Variants in CDK8 observed in about 807,000 individuals in gnomAD.
CDK8 encodes the protein cyclin dependent kinase 8, also known as cyclin-dependent kinase 8.
A neutral mutation model predicts 71.5 loss-of-function variants in CDK8; 29 were observed. The observed-to-expected ratio is 0.41, with a 90% CI of 0.30 to 0.55. The LOEUF (loss-of-function observed/expected upper bound fraction) is 0.55, where lower values mean the gene tolerates loss of function less well. CDK8 is among the 20% of genes least tolerant of loss of function. The probability of loss-of-function intolerance (pLI) is 0.37; values close to 1 mark genes in which losing one functional copy is unlikely to be tolerated. For synonymous variants in CDK8, 161 were observed against 192.1 expected, an observed-to-expected ratio of 0.84 and a Z score of 1.34; for missense variants, 288 against 572.6, an observed-to-expected ratio of 0.50 and a Z score of 5.07.
intron 1 of CDK8, among the ~76,000 whole-genome samples, chr13:26,299,111 G>T (rs557598777): frequency 6.6e-6 from 1 of 152,270 alleles, no homozygotes; most frequent in East Asian, 1.9e-4. Context: ...ATCAGTCAGG[G>T]CATATTCTTA....
At chr13:26,277,768 A>G (rs1171730483) in intron 1 of CDK8, among the ~76,000 whole-genome samples, 1 of 152,204 alleles carries the variant, frequency 6.6e-6, no homozygotes, top group Non-Finnish European at 1.5e-5. Context: ...TGAAAATGTA[A>G]TTAATTCTCT....
At chr13:26,279,967 T>TG (rs1555326854) in intron 1 of CDK8, among the ~76,000 whole-genome samples, 1 of 149,454 alleles carries the variant, frequency 6.7e-6, no homozygotes, top group Non-Finnish European at 1.5e-5. Flanking sequence ...CAGAAGAAAA[T>TG]TGTGTGTGTG....
chr13:26,256,283 G>T (rs764126272), intron 1 of CDK8, among the ~76,000 whole-genome samples: 1 of 152,132 alleles, frequency 6.6e-6, no homozygotes, highest in Non-Finnish European at 1.5e-5. Flanking sequence ...GTTTTACTCT[G>T]TAATGACATA....
chr13:26,361,458 G>A (rs1056436690), intron 4 of CDK8, among the ~76,000 whole-genome samples: 53 of 152,262 alleles, frequency 3.5e-4, no homozygotes, highest in African/African-American at 1.2e-3. Context: ...TGAGTTCAGT[G>A]TGTTTTAAAC....
At chr13:26,266,279 A>G (rs993068476) in intron 1 of CDK8, among the ~76,000 whole-genome samples, 10 of 152,360 alleles carry the variant, frequency 6.6e-5, no homozygotes, top group South Asian at 4.1e-4. Context: ...GAGTTAGACT[A>G]TGTACTTAAA....
At chr13:26,385,445 T>A in intron 6 of CDK8, 103 bp downstream of exon 6, 1 of 988,706 alleles carries the variant, frequency 1.0e-6, no homozygotes, top group Non-Finnish European at 1.4e-6. Flanking sequence ...ATTATAAAAG[T>A]AAGAGCAGAC....
intron 2 of CDK8, among the ~76,000 whole-genome samples, chr13:26,341,708 A>G (rs1439932846): frequency 6.6e-6 from 1 of 152,168 alleles, no homozygotes; most frequent in Non-Finnish European, 1.5e-5. Flanking sequence ...TTGAAGTATT[A>G]ATTTATTTTT....
chr13:26,365,428 CTTCAT>C (rs1426099838), intron 4 of CDK8, among the ~76,000 whole-genome samples: 1 of 152,038 alleles, frequency 6.6e-6, no homozygotes, highest in East Asian at 1.9e-4. Context: ...AAGTGGCCCA[CTTCAT>C]TTTATTAAAT....
chr13:26,387,595 C>A (rs1441275786), intron 6 of CDK8, among the ~76,000 whole-genome samples: 1 of 152,182 alleles, frequency 6.6e-6, no homozygotes, highest in Non-Finnish European at 1.5e-5. Flanking sequence ...GGAGGATCAG[C>A]TCCTCCTGTT....
intron 4 of CDK8, among the ~76,000 whole-genome samples, chr13:26,359,296 A>G (rs1049300582): frequency 2.6e-5 from 4 of 151,808 alleles, no homozygotes; most frequent in African/African-American, 9.7e-5. Context: ...GTGGTTGCAC[A>G]GCATTATGAA....
intron 2 of CDK8, among the ~76,000 whole-genome samples, chr13:26,348,619 A>G (rs1873560467): frequency 2.0e-5 from 3 of 152,128 alleles, no homozygotes; most frequent in Admixed American, 2.0e-4. Context: ...GTCTTCCTCA[A>G]AAATGGTTTC....
At chr13:26,288,784 G>T (rs1206410116) in intron 1 of CDK8, among the ~76,000 whole-genome samples, 1 of 152,068 alleles carries the variant, frequency 6.6e-6, no homozygotes, top group Non-Finnish European at 1.5e-5. Flanking sequence ...ATTTTAGACA[G>T]AATCTCACTC....
chr13:26,367,941 G>A (rs1173890570), intron 4 of CDK8, among the ~76,000 whole-genome samples: 1 of 152,098 alleles, frequency 6.6e-6, no homozygotes, highest in Non-Finnish European at 1.5e-5. Context: ...TGAAAGGAAG[G>A]GCAGATTTGG....
intron 1 of CDK8, among the ~76,000 whole-genome samples, chr13:26,287,601 A>G (rs1353937454): frequency 2.0e-5 from 3 of 152,146 alleles, no homozygotes; most frequent in Non-Finnish European, 4.4e-5. Context: ...GGGATAAAAG[A>G]CTACATATTG....
At chr13:26,342,375 G>A (rs895733906) in intron 2 of CDK8, among the ~76,000 whole-genome samples, 7 of 152,168 alleles carry the variant, frequency 4.6e-5, no homozygotes, top group African/African-American at 9.7e-5. Context: ...GCATCACAGC[G>A]TCAAACACAC....
chr13:26,307,943 A>G (rs374764149), intron 1 of CDK8, among the ~76,000 whole-genome samples: 8 of 152,346 alleles, frequency 5.3e-5, no homozygotes, highest in African/African-American at 1.9e-4. Flanking sequence ...TATCAATTCC[A>G]TTGTAACTTG....
In CDK8 at chr13:26,302,686, GTTATAGT is replaced by G. The variant is rs542814786; in HGVS notation, c.129-34877_129-34871del. Among the ~76,000 whole-genome samples, 31 of 152,274 alleles carry G rather than the reference GTTATAGT, an allele frequency of 2.0e-4. No homozygotes were observed. The East Asian group carries it at 4.8e-3, about 24-fold the overall frequency. On this transcript the variant is annotated intron_variant, in intron 1 of 12. Transcript: ENST00000381527. ...GAGACAAGAAATAAGATAGATCATT[GTTATAGT>G]TTAGGGGAGAGATATTGATGGGGGA...
At chr13:26,314,981 C>CTT (rs141485215) in intron 1 of CDK8, among the ~76,000 whole-genome samples, 1 of 151,694 alleles carries the variant, frequency 6.6e-6, no homozygotes, top group African/African-American at 2.4e-5. Flanking sequence ...ATATTAATGT[C>CTT]TTTTTTTTCA....
At chr13:26,263,847 C>T (rs1025548080) in intron 1 of CDK8, among the ~76,000 whole-genome samples, 1 of 150,578 alleles carries the variant, frequency 6.6e-6, no homozygotes, top group Non-Finnish European at 1.5e-5. Context: ...CCTGGGTTCA[C>T]GCCATTCTCC....
Sources: gnomAD v4.1 joint callset for allele counts (sites outside exome capture counted in the v4.1 genomes callset) on GRCh38, gnomAD v4.1.1 for gene constraint, MANE v1.5 for transcripts, NCBI Gene and HGNC (gene_info 2026-07-23, HGNC 2026-07-21) for gene names.